CNNM1: variants seen among roughly 807,000 people sequenced by gnomAD.
CNNM1 encodes the protein metal transporter CNNM1.
A neutral mutation model predicts 78.8 loss-of-function variants in CNNM1; 44 were observed. That is an observed-to-expected ratio of 0.56 (90% CI 0.44 to 0.72). CNNM1 has a LOEUF of 0.72. Among genes scored for constraint, CNNM1 ranks in the 30% least tolerant of loss-of-function variants. The pLI is 0.00. For missense variants in CNNM1, 1,101 were observed against 1,292.2 expected, an observed-to-expected ratio of 0.85 and a Z score of 2.27; for synonymous variants, 584 against 581.5, an observed-to-expected ratio of 1.00 and a Z score of -0.06.
chr10:99,340,791 TCTTTCTTA>T (rs1307707888), intron 1 of CNNM1, among the ~76,000 whole-genome samples: 2 of 151,414 alleles, frequency 1.3e-5, no homozygotes, highest in African/African-American at 4.9e-5. Context: ...TTCTTTTCTT[TCTTTCTTA>T]CTTTCTCTTT....
chr10:99,379,007 C>T (rs2032059539), intron 7 of CNNM1, among the ~76,000 whole-genome samples: 1 of 152,222 alleles, frequency 6.6e-6, no homozygotes, highest in Non-Finnish European at 1.5e-5. Context: ...CGATTCTGCT[C>T]CTCATAGCTT....
chr10:99,330,224 G>T lies in CNNM1; in HGVS notation c.837G>T (p.Gly279=), dbSNP rs1460047759. 1.3e-6 allele frequency: 2 copies of T among 1,523,572 alleles called. No individual in the cohort carries two copies. Among genetic ancestry groups the T allele is most frequent in the South Asian group, 1.3e-5 (1 of 78,408 alleles). 94.4% of individuals were successfully genotyped at this position (1,523,572 alleles called of 1,614,324 possible). A position where few individuals can be genotyped will look rare whatever the true frequency, so the allele number is the denominator to read the frequency against. Residue 279 remains glycine, a synonymous_variant, in exon 1 of 11, where the codon GGG becomes GGT. Coordinates refer to ENST00000356713, the MANE Select transcript of CNNM1 (RefSeq NM_020348.3). Reference sequence around the variant, plus strand: ...GCGTGCAGGCCGTTCGCGGCAGGGGGACCCATCTGCTCTGCACCCTACTCC... The same window carrying T: ...GCGTGCAGGCCGTTCGCGGCAGGGGTACCCATCTGCTCTGCACCCTACTCC... ...ARRVQAVRGR[G]THLLCTLLLG...
At chr10:99,351,143 C>G (rs765849029) in intron 1 of CNNM1, among the ~76,000 whole-genome samples, 1 of 152,278 alleles carries the variant, frequency 6.6e-6, no homozygotes, top group African/African-American at 2.4e-5. Flanking sequence ...CTGCCAGTAA[C>G]CAGTACTAGG....
chr10:99,329,657 G>A lies in CNNM1; in HGVS notation c.270G>A (p.Pro90=), dbSNP rs764854856. 3 of 1,550,598 alleles carry A rather than the reference G, an allele frequency of 1.9e-6. No individual in the cohort carries two copies. Among genetic ancestry groups the A allele is most frequent in the Non-Finnish European group, 2.6e-6 (3 of 1,157,190 alleles). The part of the protein sequence containing the change: ...PPATAAPVPS[P]TLNSGENGTG... ...CCACCGCCGCACCGGTGCCCTCACC[G>A]ACCCTCAACTCGGGGGAGAATGGCA... Residue 90 remains proline, a synonymous_variant, in exon 1 of 11, where the codon CCG becomes CCA. Transcript: ENST00000356713.
intron 2 of CNNM1, among the ~76,000 whole-genome samples, chr10:99,358,475 A>T (rs867922147): frequency 1.3e-5 from 2 of 152,220 alleles, no homozygotes; most frequent in Admixed American, 6.5e-5. Flanking sequence ...TCTTCCTTGC[A>T]GATAACTCGT....
In CNNM1 at chr10:99,377,206, G is replaced by A. The variant is rs762855378; in HGVS notation, c.2328G>A (p.Val776=). ...PDYSVHILSD[V]QFVKITRQQY... is the part of the protein sequence containing the mutation. ...ACTCAGTCCACATCCTCAGCGATGT[G>A]CAGTTTGTGAAGGTAACTCCCCCAG... is the stretch of plus-strand genomic sequence containing the variant. Residue 776 remains valine, a synonymous_variant, in exon 7 of 11, where the codon GTG becomes GTA. Transcript: ENST00000356713. The A allele has an allele frequency of 1.2e-5, 19 of 1,613,528 alleles. No individual in the cohort carries two copies. In the South Asian group the frequency reaches 1.9e-4, roughly 16 times the overall value.
intron 1 of CNNM1, among the ~76,000 whole-genome samples, chr10:99,354,818 G>A (rs1332136022): frequency 6.6e-6 from 1 of 152,138 alleles, no homozygotes. Context: ...GTTAGACAGG[G>A]AAGAGCCACA....
In CNNM1 at chr10:99,373,223, G is replaced by A. The variant is rs545491472; in HGVS notation, c.2177-3832G>A. On this transcript the variant is annotated intron_variant, in intron 6 of 10. Transcript: ENST00000356713. ...ATTGTGACATAAGAGATGAGGATGT[G>A]GAACAACTGGTGTAGGGTGTGTGAA... is the stretch of plus-strand genomic sequence containing the variant. Among the ~76,000 whole-genome samples the A allele has an allele frequency of 3.9e-4, 59 of 152,316 alleles. No individual in the cohort carries two copies. The East Asian group carries it at 6.8e-3, about 17-fold the overall frequency.
At position 99,393,018 on chromosome 10, in the gene CNNM1, A is replaced by G. The variant is rs75555623; in HGVS notation, c.*1502A>G. On this transcript the variant is annotated 3_prime_UTR_variant, in exon 11 of 11. Coordinates refer to ENST00000356713, the MANE Select transcript of CNNM1 (RefSeq NM_020348.3). The stretch of plus-strand genomic sequence containing the variant: ...AAAGAAAAGAAAAGCAACCACAGCC[A>G]GCCTTAGGGAAAACTTGGAAGTAAG... 2,534 of 152,288 alleles carry G rather than the reference A, an allele frequency of 0.017. 42 individuals carry two copies. The highest frequency in any genetic ancestry group is 0.068 in the East Asian group (352 of 5,182). 9.4% of individuals were successfully genotyped at this position (152,288 alleles called of 1,614,324 possible).
chr10:99,364,038 C>T (rs371594395), intron 4 of CNNM1, among the ~76,000 whole-genome samples: 4 of 152,222 alleles, frequency 2.6e-5, no homozygotes, highest in African/African-American at 9.6e-5. Flanking sequence ...CCACCGCACT[C>T]GGCCTAGATT....
intron 6 of CNNM1, among the ~76,000 whole-genome samples, chr10:99,374,630 T>G (rs548949985): frequency 2.3e-4 from 35 of 152,326 alleles, no homozygotes; most frequent in African/African-American, 8.2e-4. Context: ...GACTTTAGCT[T>G]TGTGATGATT....
intron 7 of CNNM1, among the ~76,000 whole-genome samples, chr10:99,381,754 A>C (rs1384093014): frequency 1.3e-5 from 2 of 150,736 alleles, no homozygotes; most frequent in Admixed American, 6.6e-5. Flanking sequence ...AAAAAAAAAA[A>C]CCAAAAAACA....
At chr10:99,363,046 C>G (rs2134051844) in intron 4 of CNNM1, among the ~76,000 whole-genome samples, 1 of 152,332 alleles carries the variant, frequency 6.6e-6, no homozygotes, top group South Asian at 2.1e-4. Context: ...AAATAAGTGT[C>G]TGACATGATT....
chr10:99,380,924 A>G (rs2032127186), intron 7 of CNNM1, among the ~76,000 whole-genome samples: 2 of 152,218 alleles, frequency 1.3e-5, no homozygotes, highest in Non-Finnish European at 2.9e-5. Flanking sequence ...AGATAGTTTC[A>G]GTGTTGAAAA....
In CNNM1 at chr10:99,329,795, G is replaced by C; in HGVS notation, c.408G>C (p.Gln136His). ...RPPGPQRCREQSDWASDVEVL... is the reference protein window; with the variant it reads ...RPPGPQRCREHSDWASDVEVL... ...CGGGACCGCAGCGCTGCAGGGAGCA[G>C]AGCGACTGGGCATCGGACGTGGAAG... The change falls in exon 1 of 11, where the codon CAG (glutamine) becomes CAC (histidine). Residue 136 changes from glutamine (Q) to histidine (H), a missense_variant. Transcript: ENST00000356713. 2.0e-6 allele frequency: 3 copies of C among 1,476,480 alleles called. No homozygotes were observed. Among genetic ancestry groups the C allele is most frequent in the Non-Finnish European group, 2.7e-6 (3 of 1,120,256 alleles). 91.5% of individuals were successfully genotyped at this position (1,476,480 alleles called of 1,614,324 possible).
intron 4 of CNNM1, among the ~76,000 whole-genome samples, chr10:99,363,521 C>T (rs1394766720): frequency 6.6e-6 from 1 of 152,050 alleles, no homozygotes; most frequent in Admixed American, 6.6e-5. Flanking sequence ...TCCTAACTAA[C>T]CTGGACCAAG....
intron 9 of CNNM1, among the ~76,000 whole-genome samples, chr10:99,389,777 C>T (rs989038514): frequency 6.6e-6 from 1 of 152,170 alleles, no homozygotes; most frequent in African/African-American, 2.4e-5. Flanking sequence ...CAACACACCG[C>T]TCTGCCTTAG....
rs565092116 is a variant in CNNM1, at chr10:99,359,959, G to T, written c.1718-876G>T. Among the ~76,000 whole-genome samples the T allele has an allele frequency of 9.9e-4, 150 of 151,712 alleles. 1 individual carries two copies. Among genetic ancestry groups the T allele is most frequent in the African/African-American group, 3.4e-3 (142 of 41,412 alleles). On this transcript the variant is annotated intron_variant, in intron 2 of 10. Coordinates refer to ENST00000356713, the MANE Select transcript of CNNM1 (RefSeq NM_020348.3). ...AAACAAAAAAAAAAGCGGGGGCCGG[G>T]GGGGAAGTAGATATATTTAGACAAG...
At chr10:99,387,703 C>T (rs1457035791) in intron 7 of CNNM1, 117 bp from the exon 8 acceptor site, 3 of 1,049,310 alleles carry the variant, frequency 2.9e-6, no homozygotes, top group Non-Finnish European at 4.0e-6. Flanking sequence ...GATCTCAGGC[C>T]TCAGAGGCCG....
Sources: allele counts gnomAD v4.1 joint callset (sites outside exome capture counted in the v4.1 genomes callset), GRCh38; gene constraint gnomAD v4.1.1; transcripts MANE v1.5; gene names NCBI Gene and HGNC (gene_info 2026-07-23, HGNC 2026-07-21).